PNPLA8: variants seen among roughly 807,000 people sequenced by gnomAD.
The protein encoded by PNPLA8 is patatin like domain 8, phospholipase A2.
In PNPLA8, 39 loss-of-function variants were observed where a neutral mutation model predicts 76.9. That is an observed-to-expected ratio of 0.51 (90% CI 0.39 to 0.66). The LOEUF (loss-of-function observed/expected upper bound fraction) is 0.66, where lower values mean the gene tolerates loss of function less well. PNPLA8 is among the 30% of genes least tolerant of loss of function. PNPLA8 has a pLI of 0.00. For synonymous variants in PNPLA8, 301 were observed against 307.9 expected (o/e 0.98, Z 0.24); for missense variants, 887 against 918.0 (o/e 0.97, Z 0.44).
intron 4 of PNPLA8, chr7:108,510,759 G>A (rs187002231): frequency 2.5e-5 from 40 of 1,601,572 alleles, no homozygotes; most frequent in African/African-American, 1.2e-4. Context: ...TTGATTGCTC[G>A]ATCTCTTGGT....
chr7:108,509,398 T>C (rs1380559031), intron 4 of PNPLA8, among the ~76,000 whole-genome samples: 5 of 148,990 alleles, frequency 3.4e-5, no homozygotes, highest in South Asian at 2.1e-4. Context: ...AAAGAAGACA[T>C]TTATGCAGCC....
intron 5 of PNPLA8, among the ~76,000 whole-genome samples, chr7:108,498,592 T>A (rs745850863): frequency 4.6e-5 from 7 of 151,990 alleles, no homozygotes; most frequent in Non-Finnish European, 1.0e-4. Context: ...ATTTTTAAGC[T>A]CCCTTTTCTT....
intron 1 of PNPLA8, among the ~76,000 whole-genome samples, chr7:108,522,034 G>A (rs1306533710): frequency 1.3e-5 from 2 of 152,124 alleles, no homozygotes; most frequent in African/African-American, 2.4e-5. Context: ...GGTGGCTCAC[G>A]CCTGTACTCC....
At position 108,525,671 on chromosome 7, in the gene PNPLA8, C is replaced by T. The variant is rs1864023947; in HGVS notation, c.-130+358G>A. Reference sequence around the variant, plus strand: ...ACTAGGGAAACCCTCCTGAGAGTGACCAGTTAACTACTGGAGAACACTACA... The same window carrying T: ...ACTAGGGAAACCCTCCTGAGAGTGATCAGTTAACTACTGGAGAACACTACA... On this transcript the variant is annotated intron_variant, in intron 1 of 10. Transcript: ENST00000257694. 2.0e-5 allele frequency among the ~76,000 whole-genome samples: 3 copies of T among 152,186 alleles called. No individual in the cohort carries two copies. In the South Asian group the frequency reaches 6.2e-4, roughly 31 times the overall value.
At chr7:108,511,885 G>A (rs40875) in intron 4 of PNPLA8, among the ~76,000 whole-genome samples, 44,892 of 151,896 alleles carry the variant, frequency 0.3, 7,108 homozygotes, top group African/African-American at 0.38. Context: ...GATTTCTGAA[G>A]GAATACTGTG....
chr7:108,472,339 T>G lies in PNPLA8; in HGVS notation c.*62A>C. Reference sequence around the variant, plus strand: ...AACTCATGTCGAACCCCACAATTCCTTATTGAATGTGGTTGATCTTCTAAA... The same window carrying G: ...AACTCATGTCGAACCCCACAATTCCGTATTGAATGTGGTTGATCTTCTAAA... On this transcript the variant is annotated 3_prime_UTR_variant, in exon 11 of 11. Coordinates refer to ENST00000257694, the MANE Select transcript of PNPLA8 (RefSeq NM_001256007.3). The G allele has an allele frequency of 1.7e-6, 2 of 1,175,202 alleles. No individual in the cohort carries two copies. The highest frequency in any genetic ancestry group is 3.1e-5 in the South Asian group (2 of 63,800). The allele number at this position is 1,175,202 out of a possible 1,614,324, so 72.8% of individuals were successfully genotyped here. A position where few individuals can be genotyped will look rare whatever the true frequency, so the allele number is the denominator to read the frequency against.
intron 4 of PNPLA8, chr7:108,510,142 C>T (rs1208418562): frequency 1.7e-6 from 1 of 605,258 alleles, no homozygotes; most frequent in Non-Finnish European, 2.8e-6. Context: ...CTAACCTGCA[C>T]AATGTGCACA....
chr7:108,527,136 T>A (rs1395514914), upstream of PNPLA8, among the ~76,000 whole-genome samples: 1 of 152,224 alleles, frequency 6.6e-6, no homozygotes, highest in Non-Finnish European at 1.5e-5. Context: ...TCAAGACTTA[T>A]ACTGTACTCT....
At chr7:108,490,815 C>T (rs1343790793) in intron 8 of PNPLA8, among the ~76,000 whole-genome samples, 1 of 151,464 alleles carries the variant, frequency 6.6e-6, no homozygotes, top group Non-Finnish European at 1.5e-5. Context: ...TAAAAAATGT[C>T]ATAATGTTCC....
chr7:108,490,116 A>G (rs1598893608), intron 8 of PNPLA8, among the ~76,000 whole-genome samples: 1 of 152,312 alleles, frequency 6.6e-6, no homozygotes, highest in Middle Eastern at 3.4e-3. Context: ...ATATTTGTAT[A>G]TCTGTAGATA....
chr7:108,519,416 A>T (rs1307745945), intron 2 of PNPLA8, among the ~76,000 whole-genome samples: 1 of 152,116 alleles, frequency 6.6e-6, no homozygotes, highest in Non-Finnish European at 1.5e-5. Flanking sequence ...GAAAGCATGT[A>T]AGAAAGCACA....
intron 4 of PNPLA8, among the ~76,000 whole-genome samples, chr7:108,505,844 G>A (rs144221682): frequency 5.9e-5 from 9 of 152,086 alleles, no homozygotes; most frequent in East Asian, 3.9e-4. Flanking sequence ...CATACATACC[G>A]CACATATGAC....
intron 1 of PNPLA8, among the ~76,000 whole-genome samples, chr7:108,522,996 G>C (rs1033073286): frequency 7.9e-5 from 12 of 152,188 alleles, no homozygotes; most frequent in South Asian, 2.1e-4. Context: ...TAAGTGTTTT[G>C]AGAGTACATT....
chr7:108,502,652 G>C lies in PNPLA8; in HGVS notation c.1207-10C>G. 1 of 1,591,106 alleles carries C rather than the reference G, an allele frequency of 6.3e-7. No homozygotes were observed. Among genetic ancestry groups the C allele is most frequent in the Non-Finnish European group, 8.6e-7 (1 of 1,163,110 alleles). On this transcript the variant is annotated splice_polypyrimidine_tract_variant and intron_variant, in intron 4 of 10. Coordinates refer to ENST00000257694, the MANE Select transcript of PNPLA8 (RefSeq NM_001256007.3). ...ATGGAATAATTCTTTCCTATATTGA[G>C]AGAAAAGATACTTTGTTGCTTTTGT... is the stretch of plus-strand genomic sequence containing the variant.
In PNPLA8 at chr7:108,479,335, A is replaced by G. The variant is rs746326070; in HGVS notation, c.1923T>C (p.His641=). ...CATCTGGCCAAAGACATTTACACTC[A>G]TGCATAGCTAATGCCGAAGGGTTAT... The part of the protein sequence containing the change: ...LLNNPSALAM[H]ECKCLWPDVP... Residue 641 remains histidine (H), a synonymous_variant, in exon 10 of 11, where the codon CAT becomes CAC. Transcript: ENST00000257694. 2.5e-5 allele frequency: 41 copies of G among 1,613,612 alleles called. No homozygotes were observed. The highest frequency in any genetic ancestry group is 3.2e-5 in the Non-Finnish European group (38 of 1,179,696).
chr7:108,519,976 A>G (rs1298767979), intron 2 of PNPLA8, among the ~76,000 whole-genome samples: 1 of 152,162 alleles, frequency 6.6e-6, no homozygotes, highest in Admixed American at 6.5e-5. Context: ...CTCTCCGTCC[A>G]TTCCTTCTCC....
intron 4 of PNPLA8, 139 bp from the exon 5 acceptor site, chr7:108,502,781 G>C: frequency 2.0e-6 from 1 of 508,824 alleles, no homozygotes; most frequent in Non-Finnish European, 3.4e-6. Flanking sequence ...AATCTTATAA[G>C]ACAGATTAGT....
At chr7:108,526,176 C>T (rs903632000), upstream of PNPLA8, 43 of 792,616 alleles carry the variant, frequency 5.4e-5, no homozygotes, top group Admixed American at 1.9e-4. Flanking sequence ...CCCCGCCCCG[C>T]TCCGCCCCCA....
intron 4 of PNPLA8, among the ~76,000 whole-genome samples, chr7:108,508,179 A>C (rs1862602741): frequency 1.3e-4 from 1 of 7,436 alleles, no homozygotes; most frequent in Middle Eastern, 0.016. Context: ...GGCCAGGGCA[A>C]TTAGGCAGGA....
Sources: gnomAD v4.1 joint callset for allele counts (sites outside exome capture counted in the v4.1 genomes callset) on GRCh38, gnomAD v4.1.1 for gene constraint, MANE v1.5 for transcripts, NCBI Gene and HGNC (gene_info 2026-07-23, HGNC 2026-07-21) for gene names.